NCAM1: variants seen among roughly 807,000 people sequenced by gnomAD.
NCAM1 encodes the protein antigen recognized by monoclonal antibody 5.1H11.
NCAM1 carries 14 observed loss-of-function variants against 109.8 expected under a neutral mutation model. The ratio of observed to expected loss-of-function variants is 0.13; its 90% confidence interval spans 0.08 to 0.20. NCAM1 has a LOEUF of 0.20. Among genes scored for constraint, NCAM1 ranks in the 10% least tolerant of loss-of-function variants. The pLI, the probability that NCAM1 is intolerant of heterozygous loss-of-function variation, is 1.00. For synonymous variants in NCAM1, 418 were observed against 442.9 expected (o/e 0.94, Z 0.70); for missense variants, 774 against 1,109.9 (o/e 0.70, Z 4.30).
rs572274126 is a variant in NCAM1, at chr11:113,036,504, G to T, written c.52+74840G>T. On this transcript the variant is annotated intron_variant, in intron 1 of 19. Coordinates refer to ENST00000316851, the MANE Select transcript of NCAM1 (RefSeq NM_181351.5). The stretch of plus-strand genomic sequence containing the variant: ...TGCCCCTGCACTCACCTCCCACTCT[G>T]CCCTTTCTGTGTTGCCGTTGCCCCT... 3.9e-5 allele frequency among the ~76,000 whole-genome samples: 6 copies of T among 151,946 alleles called. No homozygotes were observed. The East Asian group carries it at 1.2e-3, about 30-fold the overall frequency.
intron 14 of NCAM1, among the ~76,000 whole-genome samples, chr11:113,238,940 C>T (rs1455091999): frequency 3.9e-5 from 6 of 152,204 alleles, no homozygotes; most frequent in Admixed American, 2.0e-4. Context: ...GTGAGACCAG[C>T]GCATTTGGCA....
chr11:113,053,332 A>G (rs945979899), intron 1 of NCAM1, among the ~76,000 whole-genome samples: 15 of 152,154 alleles, frequency 9.9e-5, no homozygotes, highest in Non-Finnish European at 1.8e-4. Context: ...GGTTGATTCC[A>G]TGTCTTTGCT....
chr11:113,231,562 C>T, intron 9 of NCAM1, 83 bp from the exon 10 acceptor site: 1 of 1,390,234 alleles, frequency 7.2e-7, no homozygotes. Flanking sequence ...GCCTAGTCTC[C>T]CAGCCCCCAT....
In NCAM1 at chr11:112,961,495, T is replaced by G. The variant is rs782710076; in HGVS notation, c.-118T>G. On this transcript the variant is annotated 5_prime_UTR_variant, in exon 1 of 20. Coordinates refer to ENST00000316851, the MANE Select transcript of NCAM1 (RefSeq NM_181351.5). ...AACAATTCTGCAAAAATAATCATACTCAGCCTGGCAATTGTCTGCCCCTAG... is the reference window on the plus strand; with the variant it reads ...AACAATTCTGCAAAAATAATCATACGCAGCCTGGCAATTGTCTGCCCCTAG... 1.3e-6 allele frequency: 1 copy of G among 798,988 alleles called. No individual in the cohort carries two copies. The highest frequency in any genetic ancestry group is 1.7e-5 in the Admixed American group (1 of 58,842). 49.5% of individuals were successfully genotyped at this position (798,988 alleles called of 1,614,324 possible). A position where few individuals can be genotyped will look rare whatever the true frequency, so the allele number is the denominator to read the frequency against.
At chr11:112,986,458 CT>C (rs1292369977) in intron 1 of NCAM1, among the ~76,000 whole-genome samples, 1 of 151,824 alleles carries the variant, frequency 6.6e-6, no homozygotes, top group Non-Finnish European at 1.5e-5. Flanking sequence ...TCCTCTTTAA[CT>C]TTTTGGAAGA....
chr11:113,180,330 G>A (rs145897939), intron 1 of NCAM1, among the ~76,000 whole-genome samples: 6 of 152,354 alleles, frequency 3.9e-5, no homozygotes, highest in Admixed American at 1.3e-4. Flanking sequence ...CGCTACAGGG[G>A]TATTGAAAGG....
intron 1 of NCAM1, among the ~76,000 whole-genome samples, chr11:113,057,286 T>A (rs1192110518): frequency 6.6e-6 from 1 of 151,638 alleles, no homozygotes; most frequent in East Asian, 1.9e-4. Context: ...GGGGACAACA[T>A]TGGCAAAGGC....
intron 1 of NCAM1, among the ~76,000 whole-genome samples, chr11:113,094,288 T>C (rs1457393110): frequency 6.6e-6 from 1 of 152,222 alleles, no homozygotes; most frequent in East Asian, 1.9e-4. Flanking sequence ...TTCTATCGTT[T>C]GGCACCATTT....
In NCAM1 at chr11:113,040,135, C is replaced by T. The variant is rs1233442031; in HGVS notation, c.52+78471C>T. The stretch of plus-strand genomic sequence containing the variant: ...CCAGCCTGGGCTACAGGTGAGACTC[C>T]ATCTCTAAAAAAATAATAATTTTAA... On this transcript the variant is annotated intron_variant, in intron 1 of 19. Coordinates refer to ENST00000316851, the MANE Select transcript of NCAM1 (RefSeq NM_181351.5). Among the ~76,000 whole-genome samples the T allele has an allele frequency of 2.6e-5, 4 of 151,170 alleles. No homozygotes were observed. The East Asian group carries it at 7.9e-4, about 30-fold the overall frequency.
chr11:112,967,072 A>C (rs1442189286), intron 1 of NCAM1, among the ~76,000 whole-genome samples: 1 of 152,250 alleles, frequency 6.6e-6, no homozygotes, highest in Non-Finnish European at 1.5e-5. Flanking sequence ...ATGATTTAAA[A>C]GGCTTCTATG....
intron 1 of NCAM1, among the ~76,000 whole-genome samples, chr11:113,167,235 AG>A (rs1357836637): frequency 5.3e-5 from 8 of 152,224 alleles, no homozygotes; most frequent in Non-Finnish European, 7.3e-5. Flanking sequence ...TTTCTGGAAA[AG>A]ACTCAAATGT....
At chr11:113,243,794 T>C in intron 14 of NCAM1, 1 of 269,062 alleles carries the variant, frequency 3.7e-6, no homozygotes, top group Non-Finnish European at 7.8e-6. Flanking sequence ...AAAGCAGGTA[T>C]GCAAAGTATA....
intron 1 of NCAM1, among the ~76,000 whole-genome samples, chr11:112,968,948 G>A (rs1376165003): frequency 6.6e-6 from 1 of 152,162 alleles, no homozygotes; most frequent in African/African-American, 2.4e-5. Context: ...GGAGTTTCAC[G>A]TTATGAAGTC....
intron 1 of NCAM1, among the ~76,000 whole-genome samples, chr11:113,129,016 C>T (rs3018458): frequency 2.0e-5 from 3 of 150,636 alleles, no homozygotes; most frequent in African/African-American, 4.9e-5. Flanking sequence ...GAGCAAAAAA[C>T]GAGAGCAGAA....
intron 1 of NCAM1, among the ~76,000 whole-genome samples, chr11:113,000,597 C>T (rs7933815): frequency 0.01 from 1,524 of 151,700 alleles, 27 homozygotes; most frequent in African/African-American, 0.035. Flanking sequence ...TACATGACTA[C>T]GTGAATTAAA....
chr11:113,193,788 A>G (rs1344251320), intron 1 of NCAM1, among the ~76,000 whole-genome samples: 1 of 152,162 alleles, frequency 6.6e-6, no homozygotes, highest in South Asian at 2.1e-4. Context: ...TGGGAACCAC[A>G]TAATTCTATT....
chr11:113,237,657 T>G (rs1555118506), intron 14 of NCAM1, among the ~76,000 whole-genome samples: 1 of 152,216 alleles, frequency 6.6e-6, no homozygotes, highest in East Asian at 1.9e-4. Flanking sequence ...GTCTCCAGGT[T>G]TCCTCTGGTC....
In NCAM1 at chr11:113,204,389, C is replaced by G. The variant is rs782780463; in HGVS notation, c.231C>G (p.Ser77=). Residue 77 remains serine, a synonymous_variant, in exon 3 of 20, where the codon TCC becomes TCG. Coordinates refer to ENST00000316851, the MANE Select transcript of NCAM1 (RefSeq NM_181351.5). ...QRISVVWNDD[S]SSTLTIYNAN... The stretch of plus-strand genomic sequence containing the variant: ...TCTCAGTGGTGTGGAATGATGATTC[C>G]TCCTCCACCCTCACCATCTATAACG... 4 of 1,614,010 alleles carry G rather than the reference C, an allele frequency of 2.5e-6. No individual in the cohort carries two copies. Among genetic ancestry groups the G allele is most frequent in the Non-Finnish European group, 3.4e-6 (4 of 1,179,884 alleles).
At chr11:113,156,471 T>A (rs1942412175) in intron 1 of NCAM1, among the ~76,000 whole-genome samples, 1 of 151,968 alleles carries the variant, frequency 6.6e-6, no homozygotes, top group Non-Finnish European at 1.5e-5. Flanking sequence ...ATAATGCCAA[T>A]TGAGAACTAG....
Sources: gnomAD v4.1 joint callset for allele counts (sites outside exome capture counted in the v4.1 genomes callset) on GRCh38, gnomAD v4.1.1 for gene constraint, MANE v1.5 for transcripts, NCBI Gene and HGNC (gene_info 2026-07-23, HGNC 2026-07-21) for gene names.